MYO16: variants seen among roughly 807,000 people sequenced by gnomAD.
MYO16 encodes the protein myosin XVI.
MYO16 carries 94 observed loss-of-function variants against 205.3 expected under a neutral mutation model. The observed-to-expected ratio is 0.46, with a 90% CI of 0.39 to 0.54. The LOEUF (loss-of-function observed/expected upper bound fraction) is 0.54, where lower values mean the gene tolerates loss of function less well. Ranked by LOEUF, MYO16 falls within the 20% of genes least tolerant of loss-of-function variation. MYO16 has a pLI of 0.00. For missense variants in MYO16, 2,315 were observed against 2,387.5 expected (o/e 0.97, Z 0.63); for synonymous variants, 988 against 954.0 (o/e 1.04, Z -0.66).
intron 2 of MYO16, among the ~76,000 whole-genome samples, chr13:108,694,451 C>G (rs544348335): frequency 1.3e-5 from 2 of 152,234 alleles, no homozygotes; most frequent in African/African-American, 4.8e-5. Context: ...CTTAATGTTC[C>G]TTTAAAAAAT....
chr13:108,903,111 A>T (rs754391331), intron 15 of MYO16, among the ~76,000 whole-genome samples: 21 of 152,102 alleles, frequency 1.4e-4, no homozygotes, highest in Middle Eastern at 3.2e-3. Context: ...CTCTTATTTT[A>T]CTTAATAATG....
intron 31 of MYO16, among the ~76,000 whole-genome samples, chr13:109,133,749 T>C (rs1193151902): frequency 6.6e-6 from 1 of 152,156 alleles, no homozygotes; most frequent in Non-Finnish European, 1.5e-5. Context: ...AACAAAAAAA[T>C]AAGAAAACTC....
the MYO16 span, among the ~76,000 whole-genome samples, chr13:108,535,245 T>C: frequency 6.6e-6 from 1 of 152,184 alleles, no homozygotes; most frequent in African/African-American, 2.4e-5. Context: ...TATTCACTTG[T>C]ATTACTTAAG....
intron 6 of MYO16, among the ~76,000 whole-genome samples, chr13:108,801,083 TA>T (rs55681706): frequency 3.0e-3 from 458 of 152,320 alleles, no homozygotes; most frequent in Admixed American, 5.7e-3. Context: ...CTGAGACTAA[TA>T]TTTGCAACAG....
At chr13:108,682,118 A>ATTGTTC (rs1882487251) in intron 2 of MYO16, among the ~76,000 whole-genome samples, 1 of 152,212 alleles carries the variant, frequency 6.6e-6, no homozygotes, top group African/African-American at 2.4e-5. Context: ...CATATTTGCT[A>ATTGTTC]AATTACTCTT....
At chr13:108,905,897 C>T (rs978063508) in intron 15 of MYO16, among the ~76,000 whole-genome samples, 2 of 152,140 alleles carry the variant, frequency 1.3e-5, no homozygotes, top group African/African-American at 2.4e-5. Flanking sequence ...AGCAAGCATT[C>T]GGCAAGCTCA....
At chr13:109,096,332 C>T (rs1325373211) in intron 27 of MYO16, among the ~76,000 whole-genome samples, 1 of 152,244 alleles carries the variant, frequency 6.6e-6, no homozygotes, top group African/African-American at 2.4e-5. Flanking sequence ...CTGTGTCTCC[C>T]GTGGCGTTTC....
chr13:109,133,278 G>C (rs1432711719), intron 31 of MYO16, among the ~76,000 whole-genome samples: 1 of 152,160 alleles, frequency 6.6e-6, no homozygotes, highest in East Asian at 1.9e-4. Flanking sequence ...CTTTCGCTCT[G>C]AAACTAGCAC....
chr13:108,522,320 C>T, the MYO16 span, among the ~76,000 whole-genome samples: 1 of 152,160 alleles, frequency 6.6e-6, no homozygotes, highest in African/African-American at 2.4e-5. Context: ...GAATAATGAA[C>T]AAATAGCTAT....
At chr13:108,658,174 T>G (rs886191735) in intron 1 of MYO16, among the ~76,000 whole-genome samples, 5 of 152,180 alleles carry the variant, frequency 3.3e-5, no homozygotes, top group African/African-American at 1.2e-4. Flanking sequence ...AAAGACAGGT[T>G]AAATCATTTG....
intron 16 of MYO16, among the ~76,000 whole-genome samples, chr13:108,946,688 C>T (rs1317175986): frequency 6.6e-6 from 1 of 151,796 alleles, no homozygotes; most frequent in East Asian, 1.9e-4. Flanking sequence ...TCAGGGTTCT[C>T]CAGAAAAACA....
the MYO16 span, among the ~76,000 whole-genome samples, chr13:108,554,033 T>C: frequency 1.3e-5 from 2 of 152,218 alleles, no homozygotes; most frequent in East Asian, 3.9e-4. Context: ...TCCATGTTGC[T>C]AAACCGTGTG....
intron 7 of MYO16, among the ~76,000 whole-genome samples, chr13:108,814,138 A>T (rs1048731585): frequency 3.3e-5 from 5 of 152,174 alleles, no homozygotes; most frequent in Admixed American, 6.5e-5. Flanking sequence ...AGCTGTAGAG[A>T]ACAGTAGTTT....
At chr13:108,958,515 G>A (rs565557606) in intron 17 of MYO16, among the ~76,000 whole-genome samples, 3 of 152,262 alleles carry the variant, frequency 2.0e-5, no homozygotes, top group Non-Finnish European at 2.9e-5. Flanking sequence ...TGGCCGTGCC[G>A]TAGAAACATC....
intron 14 of MYO16, among the ~76,000 whole-genome samples, chr13:108,893,837 A>G (rs4531593): frequency 0.94 from 143,582 of 152,096 alleles, 67,809 homozygotes; most frequent in East Asian, 1. Flanking sequence ...ATTTTGCCTC[A>G]AATCCTAGGA....
At chr13:108,953,958 G>C (rs1883251198) in intron 16 of MYO16, among the ~76,000 whole-genome samples, 1 of 152,160 alleles carries the variant, frequency 6.6e-6, no homozygotes, top group African/African-American at 2.4e-5. Context: ...CAGGCAAACT[G>C]CCCTTTCAGA....
Position 108,730,865 on chromosome 13 carries a change from C to T in MYO16, c.507+3282C>T, listed in dbSNP as rs142698589. 4.7e-4 allele frequency among the ~76,000 whole-genome samples: 71 copies of T among 152,330 alleles called. 1 individual carries two copies. In the East Asian group the frequency reaches 0.014, roughly 29 times the overall value. ...GAGTTCTAGACACTCCTTCTCTGTA[C>T]TTTTATTTTATCTTCCTATTCTTTG... On this transcript the variant is annotated intron_variant, in intron 4 of 34. Transcript: ENST00000457511.
intron 23 of MYO16, among the ~76,000 whole-genome samples, chr13:109,023,400 T>C (rs1275702290): frequency 8.8e-4 from 39 of 44,258 alleles, no homozygotes; most frequent in African/African-American, 2.2e-3. Context: ...TAAATATATA[T>C]TTATATATTA....
upstream of MYO16, among the ~76,000 whole-genome samples, chr13:108,625,957 A>T (rs189731439): frequency 7.9e-4 from 121 of 152,352 alleles, no homozygotes; most frequent in Non-Finnish European, 1.5e-3. Flanking sequence ...GTTTTAAATG[A>T]AAACATTAAG....
Sources: gnomAD v4.1 joint callset for allele counts (sites outside exome capture counted in the v4.1 genomes callset) on GRCh38, gnomAD v4.1.1 for gene constraint, MANE v1.5 for transcripts, NCBI Gene and HGNC (gene_info 2026-07-23, HGNC 2026-07-21) for gene names.